Variants in DDHD2 observed in about 807,000 individuals in gnomAD.
DDHD2 encodes the protein triacylglycerol hydrolase DDHD2.
A neutral mutation model predicts 91.2 loss-of-function variants in DDHD2; 62 were observed. That is an observed-to-expected ratio of 0.68 (90% CI 0.55 to 0.84). The LOEUF (loss-of-function observed/expected upper bound fraction) is 0.84. Among genes scored for constraint, DDHD2 ranks in the 40% least tolerant of loss-of-function variants. The probability of loss-of-function intolerance (pLI) is 0.00; values close to 1 mark genes in which losing one functional copy is unlikely to be tolerated. For synonymous variants in DDHD2, 271 were observed against 293.9 expected, an observed-to-expected ratio of 0.92 and a Z score of 0.80; for missense variants, 740 against 846.9, an observed-to-expected ratio of 0.87 and a Z score of 1.57.
chr8:38,252,187 G>A lies in DDHD2; in HGVS notation c.1517G>A (p.Gly506Glu). 1.2e-6 allele frequency: 2 copies of A among 1,614,078 alleles called. No individual in the cohort carries two copies. The highest frequency in any genetic ancestry group is 1.7e-6 in the Non-Finnish European group (2 of 1,180,010). ...AAACCAGAGATATTCTTTGCCTTTG[G>A]ATCTCCCATTGGAATGTTCCTTACT... ...IYKPEIFFAFGSPIGMFLTVR... is the reference protein window; with the variant it reads ...IYKPEIFFAFESPIGMFLTVR... The change falls in exon 13 of 18, where the codon GGA becomes GAA. Residue 506 changes from glycine to glutamate, a missense_variant. Gly to Glu is a moderately conservative substitution (Grantham distance 98). Coordinates refer to ENST00000397166, the MANE Select transcript of DDHD2 (RefSeq NM_015214.3).
At chr8:38,240,669 T>TA (rs1173752637) in intron 6 of DDHD2, among the ~76,000 whole-genome samples, 1 of 152,250 alleles carries the variant, frequency 6.6e-6, no homozygotes, top group African/African-American at 2.4e-5. Flanking sequence ...ATAAAGATGA[T>TA]AGAGTTTAAT....
chr8:38,237,000 CTAAT>C (rs778663206), intron 3 of DDHD2, among the ~76,000 whole-genome samples: 1 of 152,070 alleles, frequency 6.6e-6, no homozygotes, highest in Non-Finnish European at 1.5e-5. Context: ...AATGTGAACA[CTAAT>C]TATCTAGCGT....
intron 3 of DDHD2, among the ~76,000 whole-genome samples, chr8:38,235,015 A>G (rs960568342): frequency 2.6e-5 from 4 of 152,172 alleles, no homozygotes; most frequent in African/African-American, 9.7e-5. Flanking sequence ...TGTTTCATTA[A>G]AATCAGGAAT....
At chr8:38,234,917 G>A (rs922777233) in intron 3 of DDHD2, among the ~76,000 whole-genome samples, 3 of 151,856 alleles carry the variant, frequency 2.0e-5, no homozygotes, top group African/African-American at 4.8e-5. Context: ...ACAGGTGGCC[G>A]CCACCACACC....
chr8:38,254,871 G>C (rs1479935570), intron 16 of DDHD2, among the ~76,000 whole-genome samples: 2 of 151,922 alleles, frequency 1.3e-5, no homozygotes, highest in Non-Finnish European at 2.9e-5. Flanking sequence ...CTGAGTGACA[G>C]AGCGAGACCA....
At chr8:38,244,727 G>A (rs1171881566) in intron 7 of DDHD2, among the ~76,000 whole-genome samples, 1 of 151,394 alleles carries the variant, frequency 6.6e-6, no homozygotes, top group African/African-American at 2.4e-5. Context: ...ACCACACCCG[G>A]CTAATTTTTT....
Position 38,233,267 on chromosome 8 carries a change from A to AT in DDHD2, c.220+54dup, listed in dbSNP as rs1487997125. 2.4e-5 allele frequency: 35 copies of AT among 1,429,096 alleles called. No homozygotes were observed. The South Asian group carries it at 3.0e-4, about 12-fold the overall frequency. 88.5% of individuals were successfully genotyped at this position (1,429,096 alleles called of 1,614,324 possible). A position where few individuals can be genotyped will look rare whatever the true frequency, so the allele number is the denominator to read the frequency against. ...ACAAAGACTCTCCCCTCTTCAAACT[A>AT]TAATATAATGGTCCTTATAGTGAGT... On this transcript the variant is annotated intron_variant, in intron 2 of 17. Coordinates refer to ENST00000397166, the MANE Select transcript of DDHD2 (RefSeq NM_015214.3).
chr8:38,266,330 T>C (rs368341198), downstream of DDHD2: 329 of 1,601,894 alleles, frequency 2.1e-4, 1 homozygote, highest in Non-Finnish European at 2.7e-4. Flanking sequence ...AGAAAAACTT[T>C]TAAGTGGTTT....
At chr8:38,260,325 C>T (rs1806904948) in intron 17 of DDHD2, 178 bp downstream of exon 17, 1 of 464,896 alleles carries the variant, frequency 2.2e-6, no homozygotes, top group Non-Finnish European at 3.9e-6. Flanking sequence ...CACAGTAGCC[C>T]ATTTAGAGGA....
Position 38,253,568 on chromosome 8 carries a change from A to G in DDHD2, c.1904A>G (p.Glu635Gly). 6.2e-7 allele frequency: 1 copy of G among 1,613,966 alleles called. No individual in the cohort carries two copies. The highest frequency in any genetic ancestry group is 8.5e-7 in the Non-Finnish European group (1 of 1,179,956). ...TSEKPSDVNTEETSVAVKEEV... is the reference protein window; with the variant it reads ...TSEKPSDVNTGETSVAVKEEV... ...CTTCCATATCCAGATGTTAACACAG[A>G]AGAGACCTCTGTGGCAGTTAAAGAA... Residue 635 changes from glutamate (E) to glycine (G), a missense_variant, in exon 16 of 18, where the codon GAA becomes GGA. By Grantham distance (98) the Glu-to-Gly change is moderately conservative. Around this residue, in one of 2 missense-constraint regions of DDHD2, gnomAD observed 693 missense variants for 764.2 expected, o/e 0.91. Transcript: ENST00000397166.
At chr8:38,268,288 C>T (rs1460555508) in intron 1 of DDHD2, 2 of 1,304,032 alleles carry the variant, frequency 1.5e-6, no homozygotes, top group East Asian at 5.0e-5. Context: ...GTGGCCTCCA[C>T]ACAGGCTCAC....
downstream of DDHD2, chr8:38,266,070 CCT>C: frequency 7.0e-7 from 1 of 1,426,094 alleles, no homozygotes; most frequent in Non-Finnish European, 9.7e-7. Context: ...GTAAGCATCT[CCT>C]CTGTGCTAGG....
At position 38,253,654 on chromosome 8, in the gene DDHD2, C is replaced by T. The variant is rs968421332; in HGVS notation, c.1990C>T (p.Gln664Ter). ...NGGQRIDYVL[Q>*]EKPIESFNEY... ...AGGCCAACGCATTGACTATGTGCTA[C>T]AGGAGAAGCCTATTGAAAGTTTTAA... Residue 664 changes from glutamine to a stop codon, truncating the protein, a stop_gained, in exon 16 of 18, where the codon CAG becomes TAG. Coordinates refer to ENST00000397166, the MANE Select transcript of DDHD2 (RefSeq NM_015214.3). LOFTEE classifies it high-confidence loss of function. The T allele has an allele frequency of 2.5e-6, 4 of 1,613,950 alleles. No individual in the cohort carries two copies. Among genetic ancestry groups the T allele is most frequent in the African/African-American group, 1.3e-5 (1 of 74,936 alleles).
At chr8:38,266,150 G>A, downstream of DDHD2, 15 of 1,613,924 alleles carry the variant, frequency 9.3e-6, no homozygotes, top group Non-Finnish European at 1.3e-5. Context: ...CCTTGCCAGT[G>A]ATGCTTGTAG....
In DDHD2 at chr8:38,244,022, C is replaced by T. The variant is rs146741360; in HGVS notation, c.848+1637C>T. ...TTCTCCACGTTGGTCAGGCTGGTCT[C>T]GAACTCTTGACCTCAGGTGATCCGC... On this transcript the variant is annotated intron_variant, in intron 7 of 17. Coordinates refer to ENST00000397166, the MANE Select transcript of DDHD2 (RefSeq NM_015214.3). Among the ~76,000 whole-genome samples the T allele has an allele frequency of 4.3e-3, 658 of 151,856 alleles. 3 individuals carry two copies. The highest frequency in any genetic ancestry group is 0.014 in the African/African-American group (571 of 41,410).
chr8:38,266,124 C>A, downstream of DDHD2: 1 of 1,612,608 alleles, frequency 6.2e-7, no homozygotes, highest in Non-Finnish European at 8.5e-7. Context: ...CTTCCATAGC[C>A]TGAGTACTTT....
At chr8:38,235,675 C>T (rs1478984504) in intron 3 of DDHD2, among the ~76,000 whole-genome samples, 5 of 149,422 alleles carry the variant, frequency 3.3e-5, no homozygotes, top group Admixed American at 6.7e-5. Flanking sequence ...GAGTGGAGAT[C>T]GCACCATTGA....
At chr8:38,239,940 G>A (rs1442712475) in intron 5 of DDHD2, among the ~76,000 whole-genome samples, 1 of 151,472 alleles carries the variant, frequency 6.6e-6, no homozygotes, top group African/African-American at 2.4e-5. Context: ...GGTCAGGCTG[G>A]TCTCGAACTC....
At chr8:38,247,666 A>C in intron 9 of DDHD2, 47 bp from the exon 10 acceptor site, 1 of 1,285,288 alleles carries the variant, frequency 7.8e-7, no homozygotes, top group Non-Finnish European at 1.1e-6. Flanking sequence ...GTATTAAAGG[A>C]AACTAAATGA....
Sources: allele counts gnomAD v4.1 joint callset (sites outside exome capture counted in the v4.1 genomes callset), GRCh38; gene constraint gnomAD v4.1.1; regional missense constraint gnomAD v4.1.1; transcripts MANE v1.5; gene names NCBI Gene and HGNC (gene_info 2026-07-23, HGNC 2026-07-21).